ASXL3: variants seen among roughly 807,000 people sequenced by gnomAD.
The protein encoded by ASXL3 is putative Polycomb group protein ASXL3.
A neutral mutation model predicts 170.6 loss-of-function variants in ASXL3; 34 were observed. The observed-to-expected ratio is 0.20, with a 90% CI of 0.15 to 0.27. ASXL3 has a LOEUF of 0.27. Ranked by LOEUF, ASXL3 falls within the 10% of genes least tolerant of loss-of-function variation. The probability of loss-of-function intolerance (pLI) is 1.00; values close to 1 mark genes in which losing one functional copy is unlikely to be tolerated. For synonymous variants in ASXL3, 1,002 were observed against 989.1 expected (o/e 1.01, Z -0.24); for missense variants, 2,592 against 2,695.3 (o/e 0.96, Z 0.85).
chr18:33,653,390 A>C (rs952984712), intron 4 of ASXL3, among the ~76,000 whole-genome samples: 1 of 152,086 alleles, frequency 6.6e-6, no homozygotes, highest in Admixed American at 6.6e-5. Context: ...CTTTCATCCA[A>C]CAGCTCTGCA....
At chr18:33,613,706 C>T (rs980023561) in intron 2 of ASXL3, among the ~76,000 whole-genome samples, 1 of 151,978 alleles carries the variant, frequency 6.6e-6, no homozygotes, top group Non-Finnish European at 1.5e-5. Context: ...ATTACTTGAG[C>T]CCAGGAGTTT....
At chr18:33,599,415 A>G (rs888268101) in intron 1 of ASXL3, among the ~76,000 whole-genome samples, 1 of 152,186 alleles carries the variant, frequency 6.6e-6, no homozygotes, top group Non-Finnish European at 1.5e-5. Context: ...TTGAGTAATC[A>G]GTATCAGTCT....
chr18:33,639,822 AACAAGAGATAC>A (rs2145189982), intron 2 of ASXL3, among the ~76,000 whole-genome samples: 1 of 152,264 alleles, frequency 6.6e-6, no homozygotes, highest in East Asian at 1.9e-4. Context: ...TATTCATGCC[AACAAGAGATAC>A]ACACTGAGGT....
chr18:33,596,624 AC>A (rs1227835285), intron 1 of ASXL3, among the ~76,000 whole-genome samples: 2 of 152,186 alleles, frequency 1.3e-5, no homozygotes, highest in African/African-American at 4.8e-5. Context: ...TGTGGGAATA[AC>A]ATTGAATAAT....
At chr18:33,721,995 G>T (rs1439765853) in intron 8 of ASXL3, among the ~76,000 whole-genome samples, 1 of 151,742 alleles carries the variant, frequency 6.6e-6, no homozygotes, top group East Asian at 1.9e-4. Context: ...GGTGATATAT[G>T]ACCAATGATA....
rs565286394 is a variant in ASXL3, at chr18:33,587,269, A to G, written c.54+8584A>G. Among the ~76,000 whole-genome samples the G allele has an allele frequency of 1.9e-4, 29 of 152,136 alleles. No individual in the cohort carries two copies. The East Asian group carries it at 3.1e-3, about 16-fold the overall frequency. On this transcript the variant is annotated intron_variant, in intron 1 of 11. Coordinates refer to ENST00000269197, the MANE Select transcript of ASXL3 (RefSeq NM_030632.3). Reference sequence around the variant, plus strand: ...TGTTTTATTTGTTATACACCACACAACCCCTGCAATCTTGTAGCAATTTCT... The same window carrying G: ...TGTTTTATTTGTTATACACCACACAGCCCCTGCAATCTTGTAGCAATTTCT...
intron 8 of ASXL3, among the ~76,000 whole-genome samples, chr18:33,729,274 G>GTTC (rs2067402706): frequency 6.6e-6 from 1 of 152,176 alleles, no homozygotes; most frequent in South Asian, 2.1e-4. Flanking sequence ...TCCACAGGAG[G>GTTC]ACAGCAGGAG....
chr18:33,718,943 A>G (rs1484442508), intron 8 of ASXL3, among the ~76,000 whole-genome samples: 2 of 152,026 alleles, frequency 1.3e-5, no homozygotes, highest in Non-Finnish European at 1.5e-5. Context: ...AATAAATATT[A>G]TATCTCAGCT....
chr18:33,600,833 GT>G (rs1305942615), intron 1 of ASXL3, among the ~76,000 whole-genome samples: 3 of 152,112 alleles, frequency 2.0e-5, no homozygotes, highest in Non-Finnish European at 4.4e-5. Flanking sequence ...ACTGAAGTAT[GT>G]TGCTATAAAA....
At chr18:33,606,468 T>C (rs1444031072) in intron 1 of ASXL3, among the ~76,000 whole-genome samples, 1 of 152,014 alleles carries the variant, frequency 6.6e-6, no homozygotes, top group Non-Finnish European at 1.5e-5. Flanking sequence ...GGGACCTTGA[T>C]GAACAGAGCC....
Position 33,749,722 on chromosome 18 carries a change from T to A in ASXL3, c.*3127T>A, listed in dbSNP as rs542701157. The A allele has an allele frequency of 6.6e-6, 1 of 152,100 alleles. No individual in the cohort carries two copies. Among genetic ancestry groups the A allele is most frequent in the South Asian group, 2.1e-4 (1 of 4,810 alleles). 9.4% of individuals were successfully genotyped at this position (152,100 alleles called of 1,614,324 possible). ...TAATATTTCCCTGCGAAGGTCTAGTTTGAAGAAAAAAAAAACTTGAAAACA... is the reference window on the plus strand; with the variant it reads ...TAATATTTCCCTGCGAAGGTCTAGTATGAAGAAAAAAAAAACTTGAAAACA... On this transcript the variant is annotated 3_prime_UTR_variant, in exon 12 of 12. Coordinates refer to ENST00000269197, the MANE Select transcript of ASXL3 (RefSeq NM_030632.3).
At chr18:33,649,775 G>T (rs1479780339) in intron 4 of ASXL3, among the ~76,000 whole-genome samples, 1 of 152,132 alleles carries the variant, frequency 6.6e-6, no homozygotes, top group African/African-American at 2.4e-5. Context: ...AAGTCTCATT[G>T]GTGTGAAAAG....
intron 2 of ASXL3, among the ~76,000 whole-genome samples, chr18:33,637,557 AC>A (rs1461968349): frequency 1.3e-5 from 2 of 152,322 alleles, no homozygotes; most frequent in African/African-American, 4.8e-5. Flanking sequence ...ATAGAAACTT[AC>A]ATTTTAGTAT....
chr18:33,709,142 G>C (rs1338587959), intron 8 of ASXL3, among the ~76,000 whole-genome samples: 1 of 152,080 alleles, frequency 6.6e-6, no homozygotes, highest in Non-Finnish European at 1.5e-5. Flanking sequence ...GCAAATATTG[G>C]CAATAACAAA....
intron 2 of ASXL3, among the ~76,000 whole-genome samples, chr18:33,613,796 C>G (rs912208034): frequency 6.6e-6 from 1 of 151,932 alleles, no homozygotes; most frequent in Non-Finnish European, 1.5e-5. Context: ...TGGTACATGC[C>G]TATAGTTCCA....
chr18:33,721,796 G>GT (rs572569655), intron 8 of ASXL3, among the ~76,000 whole-genome samples: 43 of 151,754 alleles, frequency 2.8e-4, no homozygotes, highest in African/African-American at 8.2e-4. Context: ...CACAAATACT[G>GT]TTTTTTTTAT....
chr18:33,739,191 G>T lies in ASXL3; in HGVS notation c.1787G>T (p.Ser596Ile). Reference sequence around the variant, plus strand: ...ATTGCTATAGATATGGAGCTACAGAGTGACCCTGAAGAACAGCTTTCAGAA... The same window carrying T: ...ATTGCTATAGATATGGAGCTACAGATTGACCCTGAAGAACAGCTTTCAGAA... ...EGIAIDMELQ[S>I]DPEEQLSENA... Residue 596 changes from serine to isoleucine, a missense_variant, in exon 11 of 12, where the codon AGT becomes ATT. By Grantham distance (142) the Ser-to-Ile change is moderately radical (BLOSUM62 -2). This residue lies in a region of ASXL3 where 2,246 missense variants were observed against 2,219.6 expected (regional missense o/e 1.01). Coordinates refer to ENST00000269197, the MANE Select transcript of ASXL3 (RefSeq NM_030632.3). 1 of 1,613,876 alleles carries T rather than the reference G, an allele frequency of 6.2e-7. No homozygotes were observed. Among genetic ancestry groups the T allele is most frequent in the South Asian group, 1.1e-5 (1 of 91,068 alleles).
chr18:33,746,968 G>T lies in ASXL3; in HGVS notation c.*373G>T, dbSNP rs539626465. 4.6e-5 allele frequency: 8 copies of T among 172,394 alleles called. No individual in the cohort carries two copies. In the East Asian group the frequency reaches 1.3e-3, roughly 28 times the overall value. The allele number at this position is 172,394 out of a possible 1,614,324, so 10.7% of individuals were successfully genotyped here. A position where few individuals can be genotyped will look rare whatever the true frequency, so the allele number is the denominator to read the frequency against. On this transcript the variant is annotated 3_prime_UTR_variant, in exon 12 of 12. Coordinates refer to ENST00000269197, the MANE Select transcript of ASXL3 (RefSeq NM_030632.3). ...GATGTGTAAGGAGAATGAGAGGAAT[G>T]AGTTAAAGTGGTTATGCATTTTTCT...
At chr18:33,661,004 A>C (rs1285917534) in intron 4 of ASXL3, among the ~76,000 whole-genome samples, 1 of 152,186 alleles carries the variant, frequency 6.6e-6, no homozygotes, top group Non-Finnish European at 1.5e-5. Context: ...TCTGATAAAA[A>C]TGAGCAGTTG....
Sources: gnomAD v4.1 joint callset for allele counts (sites outside exome capture counted in the v4.1 genomes callset) on GRCh38, gnomAD v4.1.1 for gene constraint, gnomAD v4.1.1 regional missense constraint, MANE v1.5 for transcripts, NCBI Gene and HGNC (gene_info 2026-07-23, HGNC 2026-07-21) for gene names.